CDH18: variants seen among roughly 807,000 people sequenced by gnomAD.
CDH18 encodes the protein cadherin-18.
Under a neutral mutation model 67.9 loss-of-function variants are expected in CDH18, and 31 were observed. That is an observed-to-expected ratio of 0.46 (90% CI 0.34 to 0.62). CDH18 has a LOEUF of 0.62. CDH18 is among the 20% of genes least tolerant of loss of function. The probability of loss-of-function intolerance (pLI) is 0.01; values close to 1 mark genes in which losing one functional copy is unlikely to be tolerated. For synonymous variants in CDH18, 362 were observed against 347.2 expected, an observed-to-expected ratio of 1.04 and a Z score of -0.48; for missense variants, 890 against 975.5, an observed-to-expected ratio of 0.91 and a Z score of 1.17.
At chr5:20,165,923 A>C (rs1450235502) in intron 2 of CDH18, among the ~76,000 whole-genome samples, 1 of 152,132 alleles carries the variant, frequency 6.6e-6, no homozygotes, top group Non-Finnish European at 1.5e-5. Flanking sequence ...CAACAGGAAG[A>C]AATTTTAAGA....
chr5:20,478,141 G>A (rs1482041147), intron 1 of CDH18, among the ~76,000 whole-genome samples: 1 of 152,154 alleles, frequency 6.6e-6, no homozygotes, highest in East Asian at 1.9e-4. Flanking sequence ...GAGACCCAGG[G>A]ATGTGCTGGC....
At chr5:19,851,668 T>G (rs1783712811) in intron 2 of CDH18, among the ~76,000 whole-genome samples, 1 of 151,950 alleles carries the variant, frequency 6.6e-6, no homozygotes, top group South Asian at 2.1e-4. Flanking sequence ...AACTTATTTT[T>G]TACTACCACA....
intron 2 of CDH18, among the ~76,000 whole-genome samples, chr5:20,188,498 T>C (rs750153459): frequency 2.3e-4 from 35 of 151,998 alleles, no homozygotes; most frequent in African/African-American, 8.2e-4. Flanking sequence ...ATCATCATTA[T>C]CTTCATCATT....
intron 5 of CDH18, among the ~76,000 whole-genome samples, chr5:19,708,866 C>G (rs988577516): frequency 6.6e-6 from 1 of 152,130 alleles, no homozygotes; most frequent in African/African-American, 2.4e-5. Context: ...CCACTCCCCA[C>G]TGTATATTTC....
chr5:19,960,347 G>T (rs74685890), intron 2 of CDH18, among the ~76,000 whole-genome samples: 5,200 of 151,208 alleles, frequency 0.034, 320 homozygotes, highest in African/African-American at 0.12. Context: ...AAACATTTTT[G>T]TTAAGAACAA....
chr5:20,076,638 T>C (rs969501419), intron 2 of CDH18, among the ~76,000 whole-genome samples: 14 of 152,106 alleles, frequency 9.2e-5, no homozygotes, highest in Non-Finnish European at 1.6e-4. Flanking sequence ...ACATTGTACA[T>C]ATGTTGGGTT....
intron 2 of CDH18, among the ~76,000 whole-genome samples, chr5:20,069,128 T>A (rs1226813233): frequency 6.6e-6 from 1 of 152,086 alleles, no homozygotes; most frequent in African/African-American, 2.4e-5. Context: ...GGGTTCATTT[T>A]TATGTTGGTT....
chr5:20,103,594 G>A (rs941577977), intron 2 of CDH18, among the ~76,000 whole-genome samples: 1 of 149,024 alleles, frequency 6.7e-6, no homozygotes, highest in Admixed American at 6.7e-5. Flanking sequence ...AAAGCTGGGA[G>A]TGGTGGCGGG....
chr5:20,355,502 T>G (rs780499833), intron 1 of CDH18, among the ~76,000 whole-genome samples: 4 of 152,226 alleles, frequency 2.6e-5, no homozygotes, highest in Non-Finnish European at 5.9e-5. Context: ...AATCTTACAT[T>G]TCTTTGACTT....
At chr5:19,574,794 G>T (rs546527910) in intron 7 of CDH18, among the ~76,000 whole-genome samples, 7 of 151,630 alleles carry the variant, frequency 4.6e-5, no homozygotes, top group Non-Finnish European at 1.0e-4. Context: ...TGTAATCCCA[G>T]CACTTTGGGA....
intron 6 of CDH18, 100 bp from the exon 7 acceptor site, chr5:19,591,344 A>G: frequency 1.5e-6 from 1 of 669,966 alleles, no homozygotes. Flanking sequence ...AATGAAGACT[A>G]TATTAGGTAA....
chr5:20,164,753 G>A (rs796514406), intron 2 of CDH18, among the ~76,000 whole-genome samples: 10 of 152,144 alleles, frequency 6.6e-5, no homozygotes, highest in African/African-American at 2.4e-4. Context: ...CTTCAATAAC[G>A]TTAAATGCAA....
intron 2 of CDH18, among the ~76,000 whole-genome samples, chr5:20,048,073 TTCAG>T (rs983668126): frequency 4.0e-4 from 60 of 151,818 alleles, no homozygotes; most frequent in African/African-American, 1.3e-3. Context: ...TTTCCTGTTT[TTCAG>T]TCATTGTTGA....
intron 2 of CDH18, among the ~76,000 whole-genome samples, chr5:20,080,447 C>T (rs535990100): frequency 1.3e-5 from 2 of 152,176 alleles, no homozygotes; most frequent in East Asian, 3.9e-4. Context: ...AGTCGCATGG[C>T]TAGAGTACCA....
intron 1 of CDH18, among the ~76,000 whole-genome samples, chr5:20,389,327 G>T (rs1168302865): frequency 5.3e-5 from 8 of 151,962 alleles, no homozygotes; most frequent in Non-Finnish European, 7.4e-5. Context: ...TGTCTCTTTT[G>T]ATCTTTGTTG....
intron 3 of CDH18, among the ~76,000 whole-genome samples, chr5:19,835,393 A>G (rs1251201719): frequency 1.3e-5 from 2 of 151,978 alleles, no homozygotes; most frequent in Non-Finnish European, 2.9e-5. Flanking sequence ...AACTTAGAAG[A>G]CAGGTCAATA....
chr5:20,486,681 G>GTATA (rs750113034), intron 1 of CDH18, among the ~76,000 whole-genome samples: 8,662 of 122,528 alleles, frequency 0.071, 701 homozygotes, highest in African/African-American at 0.22. Context: ...TGCTATTTTT[G>GTATA]TATATATATA....
At position 20,397,903 on chromosome 5, in the gene CDH18, CA is replaced by C. The variant is rs1156316891; in HGVS notation, c.-579-142399del. On this transcript the variant is annotated intron_variant, in intron 1 of 14. Transcript: ENST00000507958. ...TCAACAAAGTGAAATGTAATCTTAG[CA>C]AAAAAATTACAGTTGTGTTTAACAG... is the stretch of plus-strand genomic sequence containing the variant. Among the ~76,000 whole-genome samples the C allele has an allele frequency of 2.0e-5, 3 of 151,916 alleles. No homozygotes were observed. The East Asian group carries it at 5.8e-4, about 29-fold the overall frequency.
chr5:19,901,369 T>A (rs1335210200), intron 2 of CDH18, among the ~76,000 whole-genome samples: 1 of 152,110 alleles, frequency 6.6e-6, no homozygotes, highest in Non-Finnish European at 1.5e-5. Context: ...TGACTAGTTT[T>A]CTTGTTCATT....
Sources: gnomAD v4.1 joint callset for allele counts (sites outside exome capture counted in the v4.1 genomes callset) on GRCh38, gnomAD v4.1.1 for gene constraint, MANE v1.5 for transcripts, NCBI Gene and HGNC (gene_info 2026-07-23, HGNC 2026-07-21) for gene names.